Variants in TMEM135 observed in about 807,000 individuals in gnomAD.
TMEM135 encodes peroxisomal membrane protein 52.
In TMEM135, 30 loss-of-function variants were observed where a neutral mutation model predicts 60.3. The ratio of observed to expected loss-of-function variants is 0.50; its 90% CI spans 0.37 to 0.68. The LOEUF (loss-of-function observed/expected upper bound fraction) is 0.68, where lower values mean the gene tolerates loss of function less well. Ranked by LOEUF, TMEM135 falls within the 30% of genes least tolerant of loss-of-function variation. The pLI is 0.00. For synonymous variants in TMEM135, 190 were observed against 186.7 expected (o/e 1.02, Z -0.14); for missense variants, 468 against 548.8 (o/e 0.85, Z 1.47).
intron 2 of TMEM135, 103 bp downstream of exon 2, chr11:87,067,924 C>T (rs1856698659): frequency 7.0e-7 from 1 of 1,424,804 alleles, no homozygotes; most frequent in Non-Finnish European, 9.7e-7. Context: ...ATCCCCGCCC[C>T]CCCTTTTTTT....
intron 1 of TMEM135, among the ~76,000 whole-genome samples, chr11:87,054,568 C>T (rs1161559043): frequency 6.6e-6 from 1 of 152,168 alleles, no homozygotes; most frequent in African/African-American, 2.4e-5. Context: ...TATAAGAATG[C>T]TGAATTTTTT....
intron 4 of TMEM135, among the ~76,000 whole-genome samples, chr11:87,098,581 T>C (rs1857383060): frequency 6.7e-6 from 1 of 150,356 alleles, no homozygotes; most frequent in Non-Finnish European, 1.5e-5. Flanking sequence ...TTTAAAATGA[T>C]AAACTTAAAT....
chr11:87,146,860 G>T (rs1459704703), intron 4 of TMEM135, among the ~76,000 whole-genome samples: 1 of 151,552 alleles, frequency 6.6e-6, no homozygotes, highest in African/African-American at 2.4e-5. Context: ...TGCCCAAGTA[G>T]TAAACAATTG....
chr11:87,306,353 ACT>A (rs1220169607), intron 9 of TMEM135, among the ~76,000 whole-genome samples: 2 of 152,196 alleles, frequency 1.3e-5, no homozygotes, highest in Non-Finnish European at 1.5e-5. Flanking sequence ...TTAGAACAAG[ACT>A]CTGACTCCCA....
chr11:87,146,949 T>C (rs797016980), intron 4 of TMEM135, among the ~76,000 whole-genome samples: 6 of 152,258 alleles, frequency 3.9e-5, no homozygotes, highest in African/African-American at 1.4e-4. Flanking sequence ...TATTTATATT[T>C]ATAAATTGCA....
At chr11:87,154,197 C>T (rs891835094) in intron 4 of TMEM135, among the ~76,000 whole-genome samples, 1 of 152,182 alleles carries the variant, frequency 6.6e-6, no homozygotes, top group Admixed American at 6.5e-5. Context: ...AATTTCACTA[C>T]TCTAGATACT....
rs1361677610 is a variant in TMEM135 at position 87,244,671 on chromosome 11, G to C, written c.509+7987G>C. On this transcript the variant is annotated intron_variant, in intron 6 of 14. Coordinates refer to ENST00000305494, the MANE Select transcript of TMEM135 (RefSeq NM_022918.4). ...TTGTAGTATTCTCTGATGGTAGTTT[G>C]TATTTCTGTGGGATCAGTGGTGATA... is the stretch of plus-strand genomic sequence containing the variant. 1.5e-4 allele frequency among the ~76,000 whole-genome samples: 15 copies of C among 99,926 alleles called. 1 individual carries two copies. Among genetic ancestry groups the C allele is most frequent in the South Asian group, 1.0e-3 (3 of 2,862 alleles). 65.6% of individuals were successfully genotyped at this position (99,926 alleles called of 152,430 possible).
At chr11:87,260,596 CTG>C (rs1252706335) in intron 6 of TMEM135, among the ~76,000 whole-genome samples, 1 of 151,904 alleles carries the variant, frequency 6.6e-6, no homozygotes, top group Non-Finnish European at 1.5e-5. Flanking sequence ...TTAACAAAAA[CTG>C]TGTGAGTAAA....
intron 6 of TMEM135, among the ~76,000 whole-genome samples, chr11:87,252,672 G>C (rs1941440859): frequency 6.6e-6 from 1 of 151,894 alleles, no homozygotes; most frequent in African/African-American, 2.4e-5. Flanking sequence ...TTGGGTGGCT[G>C]AGGCAGGAGA....
At chr11:87,107,319 G>A (rs1565443798) in intron 4 of TMEM135, among the ~76,000 whole-genome samples, 1 of 151,836 alleles carries the variant, frequency 6.6e-6, no homozygotes, top group Admixed American at 6.6e-5. Flanking sequence ...CAATGTGCAG[G>A]TTTGTTACAT....
At position 87,244,596 on chromosome 11, in the gene TMEM135, G is replaced by T. The variant is rs1301821355; in HGVS notation, c.509+7912G>T. 2.5e-5 allele frequency among the ~76,000 whole-genome samples: 2 copies of T among 81,002 alleles called. 1 individual carries two copies. The highest frequency in any genetic ancestry group is 4.4e-4 in the East Asian group (2 of 4,524). The allele number at this position is 81,002 out of a possible 152,430, so 53.1% of individuals were successfully genotyped here. A position where few individuals can be genotyped will look rare whatever the true frequency, so the allele number is the denominator to read the frequency against. On this transcript the variant is annotated intron_variant, in intron 6 of 14. Transcript: ENST00000305494. ...AGTCTTGGGAGGATGTATGTGTCGA[G>T]GAATTCATCCATTTCTTCCACATTT...
At position 87,173,586 on chromosome 11, in the gene TMEM135, CA is replaced by C. The variant is rs147207389; in HGVS notation, c.462+16181del. On this transcript the variant is annotated intron_variant, in intron 5 of 14. Coordinates refer to ENST00000305494, the MANE Select transcript of TMEM135 (RefSeq NM_022918.4). ...TAGATAATGTCTGTAAGGCAGCTAG[CA>C]CAATGTCTGCCACATGTCTGCCACA... is the stretch of plus-strand genomic sequence containing the variant. Among the ~76,000 whole-genome samples, 213 of 152,230 alleles carry C rather than the reference CA, an allele frequency of 1.4e-3. 2 individuals carry two copies. Among genetic ancestry groups the C allele is most frequent in the African/African-American group, 4.8e-3 (200 of 41,554 alleles).
Position 87,321,379 on chromosome 11 carries a change from A to T in TMEM135, c.*46A>T. On this transcript the variant is annotated 3_prime_UTR_variant, in exon 15 of 15. Transcript: ENST00000305494. ...TGTGACTAAATGTTTCATCTTGAAGAGTTAATTATGTTGAACACAAAGGAG... is the reference window on the plus strand; with the variant it reads ...TGTGACTAAATGTTTCATCTTGAAGTGTTAATTATGTTGAACACAAAGGAG... 1 of 1,608,878 alleles carries T rather than the reference A, an allele frequency of 6.2e-7. No homozygotes were observed. The highest frequency in any genetic ancestry group is 8.5e-7 in the Non-Finnish European group (1 of 1,175,842).
chr11:87,167,213 G>A (rs752300841), intron 5 of TMEM135, among the ~76,000 whole-genome samples: 4 of 152,110 alleles, frequency 2.6e-5, no homozygotes, highest in African/African-American at 7.2e-5. Context: ...GGGCTGAGAC[G>A]ATGGGGTTTT....
chr11:87,214,999 G>C (rs1940465184), intron 5 of TMEM135, among the ~76,000 whole-genome samples: 1 of 152,036 alleles, frequency 6.6e-6, no homozygotes, highest in African/African-American at 2.4e-5. Context: ...AATAGAATTT[G>C]TTATTTGGTA....
intron 5 of TMEM135, among the ~76,000 whole-genome samples, chr11:87,224,177 A>G (rs986017797): frequency 1.3e-5 from 2 of 152,282 alleles, no homozygotes; most frequent in African/African-American, 4.8e-5. Flanking sequence ...TAAAGAGATT[A>G]TATGTCCTAC....
At position 87,137,527 on chromosome 11, in the gene TMEM135, T is replaced by C. The variant is rs538596687; in HGVS notation, c.397-19814T>C. The stretch of plus-strand genomic sequence containing the variant: ...AGATATAATTCTTTATTCCTCACTC[T>C]CAAATTTGAAATTAAACAGACTCTC... On this transcript the variant is annotated intron_variant, in intron 4 of 14. Transcript: ENST00000305494. Among the ~76,000 whole-genome samples the C allele has an allele frequency of 1.1e-4, 16 of 152,286 alleles. No individual in the cohort carries two copies. In the South Asian group the frequency reaches 3.3e-3, roughly 32 times the overall value.
intron 5 of TMEM135, among the ~76,000 whole-genome samples, chr11:87,222,262 T>C (rs11235017): frequency 0.13 from 18,873 of 148,104 alleles, 1,249 homozygotes; most frequent in Non-Finnish European, 0.14. Flanking sequence ...TTTGGGTGGC[T>C]GAGGCAGGCA....
chr11:87,199,816 G>A (rs909378548), intron 5 of TMEM135, among the ~76,000 whole-genome samples: 2 of 152,164 alleles, frequency 1.3e-5, no homozygotes, highest in Non-Finnish European at 2.9e-5. Flanking sequence ...TGTAATCCCA[G>A]CTACTAGGGA....
Sources: allele counts gnomAD v4.1 joint callset (sites outside exome capture counted in the v4.1 genomes callset), GRCh38; gene constraint gnomAD v4.1.1; transcripts MANE v1.5; gene names NCBI Gene and HGNC (gene_info 2026-07-23, HGNC 2026-07-21).